KSR1: variants seen among roughly 807,000 people sequenced by gnomAD.
KSR1 encodes kinase suppressor of ras.
In KSR1, 35 loss-of-function variants were observed where a neutral mutation model predicts 92.9. The observed-to-expected ratio is 0.38, with a 90% CI of 0.29 to 0.50. KSR1 has a LOEUF of 0.50. Ranked by LOEUF, KSR1 falls within the 20% of genes least tolerant of loss-of-function variation. The pLI is 0.94. For synonymous variants in KSR1, 467 were observed against 472.6 expected (o/e 0.99, Z 0.15); for missense variants, 972 against 1,158.5 (o/e 0.84, Z 2.34).
chr17:27,552,252 C>A (rs2071421912), intron 2 of KSR1, among the ~76,000 whole-genome samples: 2 of 152,164 alleles, frequency 1.3e-5, no homozygotes, highest in Admixed American at 6.5e-5. Context: ...CTGTCTGCTC[C>A]CCCTGGGATG....
At chr17:27,553,462 G>T (rs1294154237) in intron 2 of KSR1, among the ~76,000 whole-genome samples, 1 of 152,154 alleles carries the variant, frequency 6.6e-6, no homozygotes, top group African/African-American at 2.4e-5. Flanking sequence ...GACAGAGCTG[G>T]GCCAAGTGTC....
chr17:27,541,980 T>G (rs2070983847), intron 1 of KSR1, among the ~76,000 whole-genome samples: 1 of 152,200 alleles, frequency 6.6e-6, no homozygotes, highest in African/African-American at 2.4e-5. Flanking sequence ...CTTTACTCAA[T>G]GTTGAATACA....
intron 11 of KSR1, chr17:27,602,018 A>G (rs997498709): frequency 3.7e-5 from 43 of 1,163,488 alleles, no homozygotes; most frequent in African/African-American, 1.7e-4. Context: ...CTATGTACCA[A>G]CCTTTTCATT....
chr17:27,609,833 ATATT>A, intron 16 of KSR1: 2 of 448,600 alleles, frequency 4.5e-6, no homozygotes, highest in East Asian at 4.2e-5. Flanking sequence ...CTCCCTGTCA[ATATT>A]TATCCATTCT....
intron 1 of KSR1, 69 bp from the exon 2 acceptor site, chr17:27,550,499 T>C: frequency 1.3e-6 from 1 of 749,494 alleles, no homozygotes; most frequent in Non-Finnish European, 2.5e-6. Flanking sequence ...TCCTCTGTAG[T>C]GTGCTTGGGC....
chr17:27,512,801 T>C (rs1385812672), intron 1 of KSR1, among the ~76,000 whole-genome samples: 1 of 152,228 alleles, frequency 6.6e-6, no homozygotes, highest in Non-Finnish European at 1.5e-5. Context: ...TTTTCATTTT[T>C]ACTTTGTTTA....
chr17:27,614,099 G>T (rs1028873596), intron 18 of KSR1, among the ~76,000 whole-genome samples: 15 of 152,184 alleles, frequency 9.9e-5, no homozygotes, highest in Non-Finnish European at 5.9e-5. Context: ...CCCATGCCTG[G>T]CATAGTCTTT....
At chr17:27,581,729 C>A (rs571901625) in intron 3 of KSR1, among the ~76,000 whole-genome samples, 13 of 152,130 alleles carry the variant, frequency 8.5e-5, no homozygotes, top group Non-Finnish European at 1.5e-4. Context: ...CATGCCCATT[C>A]GACTCTACAA....
At chr17:27,483,005 A>G (rs1254336726) in intron 1 of KSR1, among the ~76,000 whole-genome samples, 2 of 152,186 alleles carry the variant, frequency 1.3e-5, no homozygotes, top group African/African-American at 4.8e-5. Context: ...CATTTCTCCC[A>G]TGTTATTTTT....
At chr17:27,546,225 G>A (rs1165986832) in intron 1 of KSR1, among the ~76,000 whole-genome samples, 1 of 152,178 alleles carries the variant, frequency 6.6e-6, no homozygotes, top group Non-Finnish European at 1.5e-5. Flanking sequence ...GCCAGGTGCT[G>A]TAGTAGGAAC....
At chr17:27,521,345 T>A (rs962320355) in intron 1 of KSR1, among the ~76,000 whole-genome samples, 2 of 151,840 alleles carry the variant, frequency 1.3e-5, no homozygotes, top group African/African-American at 4.8e-5. Context: ...TTTTTTTTTT[T>A]TTTTTTTTGA....
At chr17:27,531,152 G>GC (rs1459204995) in intron 1 of KSR1, among the ~76,000 whole-genome samples, 1 of 152,204 alleles carries the variant, frequency 6.6e-6, no homozygotes, top group African/African-American at 2.4e-5. Context: ...TGGGGCCAGT[G>GC]CCCTATTCGC....
chr17:27,534,992 T>C (rs942129906), intron 1 of KSR1, among the ~76,000 whole-genome samples: 1 of 152,220 alleles, frequency 6.6e-6, no homozygotes, highest in Non-Finnish European at 1.5e-5. Context: ...CTCAGATCGC[T>C]TAGGAAAAGC....
intron 1 of KSR1, among the ~76,000 whole-genome samples, chr17:27,527,521 G>A (rs950493013): frequency 1.3e-5 from 2 of 151,844 alleles, no homozygotes; most frequent in East Asian, 1.9e-4. Flanking sequence ...TCAGCCTCCC[G>A]AGTAGCTGGG....
chr17:27,560,941 C>A (rs369532548), intron 2 of KSR1, among the ~76,000 whole-genome samples: 1 of 152,194 alleles, frequency 6.6e-6, no homozygotes, highest in African/African-American at 2.4e-5. Flanking sequence ...GCCTTGGTAC[C>A]AGCCCAGTGG....
intron 1 of KSR1, among the ~76,000 whole-genome samples, chr17:27,512,852 C>T (rs758805697): frequency 6.6e-6 from 1 of 152,170 alleles, no homozygotes; most frequent in Non-Finnish European, 1.5e-5. Flanking sequence ...GTACACAAAA[C>T]ATAAATGTAC....
intron 1 of KSR1, among the ~76,000 whole-genome samples, chr17:27,493,579 C>CT (rs1441462299): frequency 1.3e-5 from 2 of 152,170 alleles, no homozygotes; most frequent in Non-Finnish European, 2.9e-5. Context: ...CTTGAATTAC[C>CT]TAAAACCCAG....
At chr17:27,509,454 C>A (rs1597910028) in intron 1 of KSR1, among the ~76,000 whole-genome samples, 1 of 152,008 alleles carries the variant, frequency 6.6e-6, no homozygotes, top group East Asian at 1.9e-4. Flanking sequence ...CCACGCCCGG[C>A]TATTTTTTGT....
intron 18 of KSR1, among the ~76,000 whole-genome samples, chr17:27,612,228 C>G (rs1351521051): frequency 1.3e-5 from 2 of 152,172 alleles, no homozygotes; most frequent in African/African-American, 4.8e-5. Flanking sequence ...TAGAGCGTTG[C>G]ACTGGGAATA....
Sources: gnomAD v4.1 joint callset for allele counts (sites outside exome capture counted in the v4.1 genomes callset) on GRCh38, gnomAD v4.1.1 for gene constraint, MANE v1.5 for transcripts, NCBI Gene and HGNC (gene_info 2026-07-23, HGNC 2026-07-21) for gene names.